The following RBFOX1 variants were observed in gnomAD, a reference collection of about 807,000 sequenced individuals.
The protein encoded by RBFOX1 is RNA binding fox-1 homolog 1.
A neutral mutation model predicts 57.7 loss-of-function variants in RBFOX1; 8 were observed. The observed-to-expected ratio is 0.14, with a 90% confidence interval of 0.08 to 0.25. RBFOX1 has a LOEUF of 0.25. Ranked by LOEUF, RBFOX1 falls within the 10% of genes least tolerant of loss-of-function variation. The pLI is 1.00. For synonymous variants in RBFOX1, 326 were observed against 222.4 expected, an observed-to-expected ratio of 1.47 and a Z score of -4.15; for missense variants, 611 against 548.5, an observed-to-expected ratio of 1.11 and a Z score of -1.14.
At chr16:7,626,135 C>T (rs1270391361) in intron 10 of RBFOX1, among the ~76,000 whole-genome samples, 1 of 152,250 alleles carries the variant, frequency 6.6e-6, no homozygotes, top group African/African-American at 2.4e-5. Context: ...GACAAAGCCT[C>T]TGCAAAGGCA....
chr16:5,749,944 G>C (rs553870941), intron 3 of RBFOX1, among the ~76,000 whole-genome samples: 1 of 152,188 alleles, frequency 6.6e-6, no homozygotes, highest in Non-Finnish European at 1.5e-5. Flanking sequence ...GAGGTACTCT[G>C]ATTTTTAGAA....
intron 2 of RBFOX1, among the ~76,000 whole-genome samples, chr16:5,556,522 G>C (rs1004706380): frequency 6.6e-6 from 1 of 152,206 alleles, no homozygotes; most frequent in Non-Finnish European, 1.5e-5. Flanking sequence ...CTCAATGCTT[G>C]TTGGTAAGTA....
At chr16:6,461,659 A>T (rs1043103104) in intron 2 of RBFOX1, among the ~76,000 whole-genome samples, 1 of 152,202 alleles carries the variant, frequency 6.6e-6, no homozygotes. Flanking sequence ...CATAGGGATA[A>T]CATGATTTTG....
chr16:7,569,799 T>C (rs1414250086), intron 5 of RBFOX1, among the ~76,000 whole-genome samples: 1 of 152,062 alleles, frequency 6.6e-6, no homozygotes, highest in Non-Finnish European at 1.5e-5. Context: ...GCCTAGGAAG[T>C]TGGGATTGCA....
chr16:6,931,103 T>G (rs1167274095), intron 3 of RBFOX1, among the ~76,000 whole-genome samples: 1 of 152,172 alleles, frequency 6.6e-6, no homozygotes, highest in Non-Finnish European at 1.5e-5. Context: ...GAATAAATAC[T>G]TATTGATTTA....
intron 1 of RBFOX1, among the ~76,000 whole-genome samples, chr16:5,407,838 T>C (rs554570828): frequency 3.9e-5 from 6 of 152,260 alleles, no homozygotes; most frequent in African/African-American, 1.2e-4. Context: ...CGTGAGCCAC[T>C]GCACATGGCC....
At chr16:6,061,354 C>G (rs971202066) in intron 1 of RBFOX1, among the ~76,000 whole-genome samples, 36 of 152,114 alleles carry the variant, frequency 2.4e-4, no homozygotes, top group African/African-American at 8.4e-4. Flanking sequence ...GACAAGTGGT[C>G]AGATTTCAAG....
At chr16:6,454,216 A>G (rs2094704218) in intron 2 of RBFOX1, among the ~76,000 whole-genome samples, 1 of 152,154 alleles carries the variant, frequency 6.6e-6, no homozygotes, top group Non-Finnish European at 1.5e-5. Context: ...CAATATATGA[A>G]TTTGGGAGTG....
chr16:5,902,041 G>C (rs989610776), intron 4 of RBFOX1, among the ~76,000 whole-genome samples: 1 of 152,076 alleles, frequency 6.6e-6, no homozygotes. Flanking sequence ...TACTTATAAC[G>C]TGGATGGGGT....
intron 3 of RBFOX1, among the ~76,000 whole-genome samples, chr16:6,695,667 A>G (rs988925740): frequency 5.9e-5 from 9 of 152,140 alleles, no homozygotes; most frequent in African/African-American, 1.9e-4. Context: ...TGTCCGGCCT[A>G]TTGTTAGTAC....
chr16:5,568,183 C>T (rs961150108), intron 2 of RBFOX1, among the ~76,000 whole-genome samples: 1 of 152,228 alleles, frequency 6.6e-6, no homozygotes, highest in Admixed American at 6.5e-5. Context: ...GTGCCCTCTC[C>T]TTCCTCGAAT....
At chr16:6,731,553 C>T (rs1013106315) in intron 3 of RBFOX1, among the ~76,000 whole-genome samples, 2 of 152,070 alleles carry the variant, frequency 1.3e-5, no homozygotes, top group African/African-American at 4.8e-5. Context: ...TGCCCATGCA[C>T]AATAGGAGAC....
At chr16:7,425,745 C>CT (rs933361360) in intron 4 of RBFOX1, among the ~76,000 whole-genome samples, 3 of 152,190 alleles carry the variant, frequency 2.0e-5, no homozygotes, top group African/African-American at 7.2e-5. Flanking sequence ...CCTCCTCCCT[C>CT]TTTTAACAAA....
chr16:6,604,899 C>T (rs9923390), intron 2 of RBFOX1, among the ~76,000 whole-genome samples: 1 of 152,140 alleles, frequency 6.6e-6, no homozygotes, highest in South Asian at 2.1e-4. Flanking sequence ...AGTTTTGGAA[C>T]CTTAGGCAGG....
At chr16:7,200,160 C>G (rs2087958314) in intron 4 of RBFOX1, among the ~76,000 whole-genome samples, 1 of 152,190 alleles carries the variant, frequency 6.6e-6, no homozygotes, top group Non-Finnish European at 1.5e-5. Context: ...AATTGGGCCT[C>G]CACCTGGAAT....
intron 1 of RBFOX1, among the ~76,000 whole-genome samples, chr16:6,303,913 G>T (rs1174706318): frequency 1.4e-5 from 2 of 140,968 alleles, no homozygotes; most frequent in East Asian, 2.3e-4. Context: ...CTGGGTTCAA[G>T]TGATTCTCTT....
rs186143887 is a variant in RBFOX1, at chr16:5,812,268, T to A, written c.319-55035T>A. On this transcript the variant is annotated intron_variant, in intron 3 of 19. Transcript: ENST00000641259. The stretch of plus-strand genomic sequence containing the variant: ...ATATGAACAGTTCTGTATACGCCTT[T>A]GGACATGTGCTTTTCTTTCTCTTGA... Among the ~76,000 whole-genome samples, 291 of 152,322 alleles carry A rather than the reference T, an allele frequency of 1.9e-3. 3 individuals carry two copies. The highest frequency in any genetic ancestry group is 0.013 in the East Asian group (67 of 5,180).
chr16:5,814,796 G>C (rs952912887), intron 3 of RBFOX1, among the ~76,000 whole-genome samples: 1 of 152,166 alleles, frequency 6.6e-6, no homozygotes, highest in Non-Finnish European at 1.5e-5. Flanking sequence ...AGGCGCGGTG[G>C]AGGGCGCCTG....
intron 1 of RBFOX1, among the ~76,000 whole-genome samples, chr16:6,257,775 T>C (rs879325876): frequency 8.5e-5 from 13 of 152,198 alleles, no homozygotes; most frequent in Non-Finnish European, 1.5e-4. Flanking sequence ...TATGGCTGCA[T>C]AGTATTCCAT....
Sources: allele counts gnomAD v4.1 joint callset (sites outside exome capture counted in the v4.1 genomes callset), GRCh38; gene constraint gnomAD v4.1.1; transcripts MANE v1.5; gene names NCBI Gene and HGNC (gene_info 2026-07-23, HGNC 2026-07-21).